ZAN: variants seen among roughly 807,000 people sequenced by gnomAD.
ZAN encodes the protein zonadhesin (gene/pseudogene).
Under a neutral mutation model 286.2 loss-of-function variants are expected in ZAN, and 260 were observed. The ratio of observed to expected loss-of-function variants is 0.91; its 90% CI spans 0.82 to 1.01. ZAN has a LOEUF of 1.01. ZAN is among the 50% of genes least tolerant of loss of function. ZAN has a pLI of 0.00. For missense variants in ZAN, 3,410 were observed against 3,639.2 expected (o/e 0.94, Z 1.62); for synonymous variants, 1,368 against 1,417.5 (o/e 0.97, Z 0.79).
intron 7 of ZAN, among the ~76,000 whole-genome samples, chr7:100,743,249 T>A (rs1807941542): frequency 6.6e-6 from 1 of 152,050 alleles, no homozygotes. Flanking sequence ...GGTCTCGATC[T>A]TCTGACCTCG....
Position 100,779,565 on chromosome 7 carries a change from G to A in ZAN, c.6437G>A (p.Arg2146Gln), listed in dbSNP as rs752612167. Residue 2146 changes from arginine to glutamine, a missense_variant, in exon 35 of 48, where the codon CGG becomes CAG. Arg to Gln is a conservative substitution (Grantham distance 43). Coordinates refer to ENST00000613979, the MANE Select transcript of ZAN (RefSeq NM_003386.3). ...RAREKCEAAL[R>Q]APVWAQCASR... ...CGGGAAAAGTGCGAGGCAGCGCTCC[G>A]GGCTCCTGTGTGGGCCCAGTGCGCC... 21 of 1,610,398 alleles carry A rather than the reference G, an allele frequency of 1.3e-5. No individual in the cohort carries two copies. Among genetic ancestry groups the A allele is most frequent in the East Asian group, 2.2e-5 (1 of 44,664 alleles).
At position 100,797,598 on chromosome 7, in the gene ZAN, C is replaced by G; in HGVS notation, c.8388C>G (p.Asp2796Glu). The G allele has an allele frequency of 6.2e-7, 1 of 1,613,902 alleles. No individual in the cohort carries two copies. Among genetic ancestry groups the G allele is most frequent in the Middle Eastern group, 1.7e-4 (1 of 6,058 alleles). The change falls in exon 47 of 48, where the codon GAC becomes GAG. Residue 2796 changes from aspartate to glutamate, a missense_variant. Asp to Glu is a conservative substitution (Grantham distance 45, BLOSUM62 2). This residue lies in a region of ZAN where 1,289 missense variants were observed against 1,314.3 expected (regional missense o/e 0.98). Coordinates refer to ENST00000613979, the MANE Select transcript of ZAN (RefSeq NM_003386.3). ...RRKREKTQEG[D>E]RLARLVDTDT... ...CTAGAGAGAAAACGCAGGAGGGAGA[C>G]AGACTGGCCAGGCTGGTGGACACAG...
chr7:100,755,262 C>A lies in ZAN; in HGVS notation c.3161C>A (p.Ala1054Asp). 1 of 1,613,834 alleles carries A rather than the reference C, an allele frequency of 6.2e-7. No individual in the cohort carries two copies. The highest frequency in any genetic ancestry group is 8.5e-7 in the Non-Finnish European group (1 of 1,179,832). The change falls in exon 15 of 48, where the codon GCT becomes GAT. Residue 1054 changes from alanine to aspartate, a missense_variant. Coordinates refer to ENST00000613979, the MANE Select transcript of ZAN (RefSeq NM_003386.3). ...CPPNARYESC[A>D]CPASCKSPRP... ...CCAAATGCCCGCTACGAATCCTGTGCTTGTCCTGCTTCGTGCAAGAGCCCC... is the reference window on the plus strand; with the variant it reads ...CCAAATGCCCGCTACGAATCCTGTGATTGTCCTGCTTCGTGCAAGAGCCCC...
rs1344867745 is a variant in ZAN, at chr7:100,736,526, C to G, written c.150C>G (p.Leu50=). The G allele has an allele frequency of 2.0e-6, 3 of 1,524,176 alleles. 1 individual carries two copies. In the South Asian group the frequency reaches 3.4e-5, roughly 17 times the overall value. The allele number at this position is 1,524,176 out of a possible 1,614,324, so 94.4% of individuals were successfully genotyped here. A position where few individuals can be genotyped will look rare whatever the true frequency, so the allele number is the denominator to read the frequency against. The change falls in exon 4 of 48, where the codon CTC becomes CTG. Residue 50 remains leucine (L), a synonymous_variant. Transcript: ENST00000613979. The part of the protein sequence containing the change: ...QCDFEDDAKP[L]CDWSQVSADD... ...ATTTTGAGGATGACGCCAAACCCCT[C>G]TGTGACTGGTCCCAAGTGTCCGCAG...
chr7:100,750,059 AACACAC>A (rs373704697), intron 11 of ZAN, among the ~76,000 whole-genome samples: 220 of 122,300 alleles, frequency 1.8e-3, no homozygotes, highest in African/African-American at 2.2e-3. Context: ...TCAAAAAAAC[AACACAC>A]ACACACACAC....
At position 100,779,525 on chromosome 7, in the gene ZAN, G is replaced by C. The variant is rs373565888; in HGVS notation, c.6397G>C (p.Asp2133His). The change falls in exon 35 of 48, where the codon GAC (aspartate) becomes CAC (histidine). Residue 2133 changes from aspartate to histidine, a missense_variant. Physicochemically the swap from Asp to His is moderately conservative, Grantham distance 81 (BLOSUM62 -1). Around this residue, in one of 7 missense-constraint regions of ZAN, gnomAD observed 1,289 missense variants for 1,314.3 expected, o/e 0.98. Transcript: ENST00000613979. Reference protein sequence around the residue: ...ENPSGNCRAADLRRAREKCEA... With the variant: ...ENPSGNCRAAHLRRAREKCEA... Reference sequence around the variant, plus strand: ...CCCGAGTGGAAACTGCAGGGCGGCCGACCTCCGCAGGGCGCGGGAAAAGTG... The same window carrying C: ...CCCGAGTGGAAACTGCAGGGCGGCCCACCTCCGCAGGGCGCGGGAAAAGTG... The C allele has an allele frequency of 6.2e-7, 1 of 1,612,620 alleles. No individual in the cohort carries two copies.
Position 100,792,128 on chromosome 7 carries a change from G to A in ZAN, c.7692G>A (p.Val2564=), listed in dbSNP as rs1263541275. 6.2e-7 allele frequency: 1 copy of A among 1,610,640 alleles called. No individual in the cohort carries two copies. The highest frequency in any genetic ancestry group is 1.3e-5 in the African/African-American group (1 of 74,866). ...QGPFAACHQT[V]APEPFQEHCV... ...CCTTTGCTGCCTGTCACCAGACGGTGGCCCCAGAGCCCTTCCAAGAGTGAG... is the reference window on the plus strand; with the variant it reads ...CCTTTGCTGCCTGTCACCAGACGGTAGCCCCAGAGCCCTTCCAAGAGTGAG... Residue 2564 remains valine (V), a synonymous_variant, in exon 41 of 48, where the codon GTG becomes GTA. Coordinates refer to ENST00000613979, the MANE Select transcript of ZAN (RefSeq NM_003386.3).
chr7:100,791,054 C>A lies in ZAN; in HGVS notation c.7470C>A (p.Leu2490=). The part of the protein sequence containing the change: ...MLPSGALTQN[L]NTFGNSWEVK... ...CCAGTGGCGCCCTGACCCAGAACCT[C>A]AACACCTTTGGCAACAGCTGGGAGG... The change falls in exon 40 of 48, where the codon CTC becomes CTA. Residue 2490 remains leucine (L), a synonymous_variant. Coordinates refer to ENST00000613979, the MANE Select transcript of ZAN (RefSeq NM_003386.3). 6.2e-7 allele frequency: 1 copy of A among 1,613,318 alleles called. No homozygotes were observed. Among genetic ancestry groups the A allele is most frequent in the Non-Finnish European group, 8.5e-7 (1 of 1,179,746 alleles).
In ZAN at chr7:100,775,708, AT is replaced by A; in HGVS notation, c.6068del (p.Ile2023ThrfsTer31). 1 of 1,613,816 alleles carries A rather than the reference AT, an allele frequency of 6.2e-7. No individual in the cohort carries two copies. Among genetic ancestry groups the A allele is most frequent in the Non-Finnish European group, 8.5e-7 (1 of 1,179,874 alleles). On this transcript the variant is annotated frameshift_variant, in exon 33 of 48. Transcript: ENST00000613979. LOFTEE classifies it high-confidence loss of function. The part of the protein sequence containing the change: ...KQVTLPAISQ[I>X]PGVSVKSSSI... ...GGTCACCCTCCCCGCCATCTCCCAG[AT>A]CCCTGGGGTCAGTGTCAAGTCCAGC...
intron 20 of ZAN, 43 bp downstream of exon 20, chr7:100,762,401 T>C: frequency 2.7e-6 from 4 of 1,463,514 alleles, no homozygotes; most frequent in East Asian, 2.5e-5. Context: ...GAAGGTTCCG[T>C]CCCCTTCCTG....
At position 100,780,547 on chromosome 7, in the gene ZAN, G is replaced by A. The variant is rs149458573; in HGVS notation, c.6622+797G>A. The stretch of plus-strand genomic sequence containing the variant: ...AAACTAGCTGGGTATGGTGGTGCAT[G>A]CCTGTGGTCCCAGCTACTTGTGGGG... On this transcript the variant is annotated intron_variant, in intron 35 of 47. Coordinates refer to ENST00000613979, the MANE Select transcript of ZAN (RefSeq NM_003386.3). Among the ~76,000 whole-genome samples, 441 of 151,876 alleles carry A rather than the reference G, an allele frequency of 2.9e-3. 3 individuals carry two copies. The highest frequency in any genetic ancestry group is 8.3e-3 in the South Asian group (40 of 4,792).
chr7:100,778,962 C>T (rs952553200), intron 34 of ZAN, among the ~76,000 whole-genome samples: 2 of 150,264 alleles, frequency 1.3e-5, no homozygotes, highest in Admixed American at 6.6e-5. Flanking sequence ...TAACCTGAGA[C>T]GTAGAGGTTG....
chr7:100,784,130 CTTT>C (rs35784170), intron 35 of ZAN, among the ~76,000 whole-genome samples: 12 of 119,116 alleles, frequency 1.0e-4, no homozygotes, highest in Admixed American at 2.8e-4. Context: ...ATTCTTGTTC[CTTT>C]TTTTTTTTTT....
intron 17 of ZAN, 112 bp downstream of exon 17, chr7:100,758,762 C>T: frequency 1.4e-6 from 2 of 1,470,072 alleles, no homozygotes; most frequent in Non-Finnish European, 1.8e-6. Context: ...GGGGAAGAGG[C>T]AAGATAGGAG....
In ZAN at chr7:100,767,856, C is replaced by A; in HGVS notation, c.4886C>A (p.Pro1629His). 6.2e-7 allele frequency: 1 copy of A among 1,613,820 alleles called. No individual in the cohort carries two copies. Among genetic ancestry groups the A allele is most frequent in the Non-Finnish European group, 8.5e-7 (1 of 1,179,818 alleles). ...CTGAATGGCCATCGGGTGGCCCTAC[C>A]TGTGTGGCTTGCACAAGGCCGGGTG... is the stretch of plus-strand genomic sequence containing the variant. Reference protein sequence around the residue: ...VMLNGHRVALPVWLAQGRVTI... With the variant: ...VMLNGHRVALHVWLAQGRVTI... The change falls in exon 26 of 48, where the codon CCT becomes CAT. Residue 1629 changes from proline (P) to histidine (H), a missense_variant. This residue lies in a region of ZAN where 1,042 missense variants were observed against 1,058.0 expected (regional missense o/e 0.98). Coordinates refer to ENST00000613979, the MANE Select transcript of ZAN (RefSeq NM_003386.3).
chr7:100,771,926 C>T lies in ZAN; in HGVS notation c.5331C>T (p.Gly1777=), dbSNP rs759993027. 1.4e-5 allele frequency: 23 copies of T among 1,612,716 alleles called. No homozygotes were observed. The East Asian group carries it at 1.6e-4, about 11-fold the overall frequency. The change falls in exon 29 of 48, where the codon GGC becomes GGT. Residue 1777 remains glycine, a synonymous_variant. Transcript: ENST00000613979. ...TGCATGGTCAGTGTGGGACCAAGGG[C>T]GACACCACAGCCCTGTGCCGCTCCC... The part of the protein sequence containing the change: ...SCVHGQCGTK[G]DTTALCRSLQ...
rs377402352 is a variant in ZAN, at chr7:100,783,783, T to TATATATACACACAC, written c.6623-839_6623-838insTATATACACACACA. Among the ~76,000 whole-genome samples, 5 of 20,486 alleles carry TATATATACACACAC rather than the reference T, an allele frequency of 2.4e-4. 1 individual carries two copies. The highest frequency in any genetic ancestry group is 6.8e-4 in the African/African-American group (5 of 7,374). 13.4% of individuals were successfully genotyped at this position (20,486 alleles called of 152,430 possible). ...AAAAAAATATATATATATATATATA[T>TATATATACACACAC]ACACATATATATATATACACACATA... is the stretch of plus-strand genomic sequence containing the variant. On this transcript the variant is annotated intron_variant, in intron 35 of 47. Coordinates refer to ENST00000613979, the MANE Select transcript of ZAN (RefSeq NM_003386.3).
At chr7:100,744,689 G>T (rs1379486772) in intron 7 of ZAN, among the ~76,000 whole-genome samples, 4 of 151,450 alleles carry the variant, frequency 2.6e-5, no homozygotes, top group Non-Finnish European at 4.4e-5. Context: ...AGCCCTCTCT[G>T]CAACCCCTCA....
intron 11 of ZAN, among the ~76,000 whole-genome samples, chr7:100,750,034 G>C (rs1458277017): frequency 1.4e-5 from 2 of 138,768 alleles, no homozygotes; most frequent in South Asian, 4.7e-4. Context: ...CTGGGCAACA[G>C]AGCGAGACTC....
Sources: gnomAD v4.1 joint callset for allele counts (sites outside exome capture counted in the v4.1 genomes callset) on GRCh38, gnomAD v4.1.1 for gene constraint, gnomAD v4.1.1 regional missense constraint, MANE v1.5 for transcripts, NCBI Gene and HGNC (gene_info 2026-07-23, HGNC 2026-07-21) for gene names.